The following ATP5F1B variants were observed in gnomAD, a reference collection of about 807,000 sequenced individuals.
ATP5F1B encodes ATP synthase F(1) complex subunit beta, mitochondrial.
A neutral mutation model predicts 45.9 loss-of-function variants in ATP5F1B; 17 were observed. The ratio of observed to expected loss-of-function variants is 0.37; its 90% CI spans 0.25 to 0.56. The LOEUF (loss-of-function observed/expected upper bound fraction) is 0.56. ATP5F1B is among the 20% of genes least tolerant of loss of function. The pLI, the probability that ATP5F1B is intolerant of heterozygous loss-of-function variation, is 0.80. For synonymous variants in ATP5F1B, 218 were observed against 256.5 expected, an observed-to-expected ratio of 0.85 and a Z score of 1.43; for missense variants, 387 against 673.2, an observed-to-expected ratio of 0.57 and a Z score of 4.70.
intron 3 of ATP5F1B, 90 bp downstream of exon 3, chr12:56,644,691 A>G: frequency 7.2e-7 from 1 of 1,393,308 alleles, no homozygotes; most frequent in Non-Finnish European, 9.7e-7. Flanking sequence ...CAGAAGAAAA[A>G]TTCTGCTTTA....
chr12:56,638,453 G>T, intron 9 of ATP5F1B, 30 bp from the exon 10 acceptor site: 3 of 1,513,834 alleles, frequency 2.0e-6, no homozygotes, highest in Non-Finnish European at 2.7e-6. Context: ...AAAAAAAAGA[G>T]TAAGAAGCGG....
chr12:56,643,300 T>C, intron 5 of ATP5F1B, 103 bp downstream of exon 5: 1 of 1,144,936 alleles, frequency 8.7e-7, no homozygotes, highest in Non-Finnish European at 1.2e-6. Context: ...AACATTTTCT[T>C]AAAAAGAAAA....
chr12:56,638,358 T>C lies in ATP5F1B; in HGVS notation c.1555A>G (p.Lys519Glu). 1.9e-6 allele frequency: 3 copies of C among 1,614,072 alleles called. No homozygotes were observed. Among genetic ancestry groups the C allele is most frequent in the Non-Finnish European group, 2.5e-6 (3 of 1,179,990 alleles). The part of the protein sequence containing the change: ...MVGPIEEAVA[K>E]ADKLAEEHSS ...TGCTCTTCAGCCAGCTTATCAGCTT[T>C]TGCCACAGCTTCTTCAATGGGTCCC... Residue 519 changes from lysine (K) to glutamate (E), a missense_variant, in exon 10 of 10, where the codon AAA (lysine) becomes GAA (glutamate). Around this residue, in one of 6 missense-constraint regions of ATP5F1B, gnomAD observed 36 missense variants for 37.9 expected, o/e 0.95. Coordinates refer to ENST00000262030, the MANE Select transcript of ATP5F1B (RefSeq NM_001686.4).
chr12:56,644,297 A>G (rs914733606), intron 3 of ATP5F1B, among the ~76,000 whole-genome samples: 1 of 149,172 alleles, frequency 6.7e-6, no homozygotes, highest in South Asian at 2.1e-4. Context: ...AACCTAAGCC[A>G]TAAGACCGAG....
At chr12:56,643,190 T>C (rs767117856) in intron 5 of ATP5F1B, 1 of 507,500 alleles carries the variant, frequency 2.0e-6, no homozygotes, top group Non-Finnish European at 3.4e-6. Context: ...AATGTCAGTA[T>C]CAAAGAGGAA....
chr12:56,640,231 ATTT>A (rs201281818), intron 7 of ATP5F1B, 39 bp from the exon 8 acceptor site: 375 of 1,365,838 alleles, frequency 2.7e-4, no homozygotes, highest in Middle Eastern at 7.5e-4. Flanking sequence ...ACCAAAGTAA[ATTT>A]TTTTTTTTTT....
intron 7 of ATP5F1B, among the ~76,000 whole-genome samples, chr12:56,641,926 T>C (rs1200081915): frequency 6.6e-6 from 1 of 152,138 alleles, no homozygotes; most frequent in Admixed American, 6.6e-5. Context: ...TCAGTTTCCA[T>C]ATAGCGCCGG....
intron 8 of ATP5F1B, 112 bp from the exon 9 acceptor site, chr12:56,639,419 C>T: frequency 1.0e-6 from 1 of 953,216 alleles, no homozygotes; most frequent in Non-Finnish European, 1.6e-6. Context: ...GTTATGAGGG[C>T]CCTCAGCCAA....
At chr12:56,638,567 C>T in intron 9 of ATP5F1B, 144 bp from the exon 10 acceptor site, 1 of 692,630 alleles carries the variant, frequency 1.4e-6, no homozygotes, top group East Asian at 2.5e-5. Context: ...ATTTCCCTCA[C>T]AAATCAAATT....
intron 7 of ATP5F1B, among the ~76,000 whole-genome samples, chr12:56,641,830 C>T (rs1461541363): frequency 6.6e-6 from 1 of 151,932 alleles, no homozygotes. Flanking sequence ...GGATTACAGG[C>T]GTGAGCCACC....
Position 56,645,972 on chromosome 12 carries a change from C to T in ATP5F1B, c.-9G>A. ...CCCACAAACCCCAACATGGCGTAGT[C>T]CGGGTGGAGACTGAAGGCTGCAGCA... is the stretch of plus-strand genomic sequence containing the variant. On this transcript the variant is annotated 5_prime_UTR_variant, in exon 1 of 10. Transcript: ENST00000262030. 1 of 1,595,222 alleles carries T rather than the reference C, an allele frequency of 6.3e-7. No individual in the cohort carries two copies. Among genetic ancestry groups the T allele is most frequent in the Non-Finnish European group, 8.5e-7 (1 of 1,171,902 alleles).
intron 8 of ATP5F1B, among the ~76,000 whole-genome samples, chr12:56,639,769 CAAAAAAAA>C (rs1224447849): frequency 9.9e-6 from 1 of 100,784 alleles, no homozygotes; most frequent in Non-Finnish European, 2.1e-5. Context: ...AGACTCATCT[CAAAAAAAA>C]AAAAAAAGAA....
At chr12:56,643,093 T>C (rs1245554568) in intron 5 of ATP5F1B, 2 of 518,818 alleles carry the variant, frequency 3.9e-6, no homozygotes, top group Admixed American at 7.3e-5. Flanking sequence ...AACTGAAACA[T>C]ATGTACCACG....
intron 9 of ATP5F1B, 58 bp from the exon 10 acceptor site, chr12:56,638,481 G>A: frequency 7.5e-7 from 1 of 1,325,110 alleles, no homozygotes; most frequent in Non-Finnish European, 1.1e-6. Context: ...TCAACTTTCT[G>A]CATCATGTAA....
chr12:56,640,452 A>C (rs1951503611), intron 7 of ATP5F1B, among the ~76,000 whole-genome samples: 2 of 150,930 alleles, frequency 1.3e-5, no homozygotes, highest in Non-Finnish European at 3.0e-5. Context: ...CTGGTCTTGA[A>C]CTCCTGACCT....
At chr12:56,639,480 A>C in intron 8 of ATP5F1B, 173 bp from the exon 9 acceptor site, 1 of 666,398 alleles carries the variant, frequency 1.5e-6, no homozygotes, top group Non-Finnish European at 2.5e-6. Flanking sequence ...CTGTTAGAAA[A>C]ATATTGCATT....
chr12:56,638,572 C>A, intron 9 of ATP5F1B, 149 bp from the exon 10 acceptor site: 1 of 681,104 alleles, frequency 1.5e-6, no homozygotes, highest in East Asian at 2.6e-5. Context: ...CCTCACAAAT[C>A]AAATTTACAA....
chr12:56,638,517 G>T lies in ATP5F1B; in HGVS notation c.1490-94C>A, dbSNP rs1951488720. On this transcript the variant is annotated intron_variant, in intron 9 of 9. Transcript: ENST00000262030. ...CATTCCTCACCACTTCAGGCCATCA[G>T]TTAGAATGTGATGAATTCATGTCAT... is the stretch of plus-strand genomic sequence containing the variant. The T allele has an allele frequency of 8.6e-6, 8 of 925,616 alleles. No individual in the cohort carries two copies. In the East Asian group the frequency reaches 1.9e-4, roughly 22 times the overall value. The allele number at this position is 925,616 out of a possible 1,614,324, so 57.3% of individuals were successfully genotyped here. A position where few individuals can be genotyped will look rare whatever the true frequency, so the allele number is the denominator to read the frequency against.
chr12:56,638,312 A>G lies in ATP5F1B; in HGVS notation c.*11T>C. On this transcript the variant is annotated 3_prime_UTR_variant, in exon 10 of 10. Coordinates refer to ENST00000262030, the MANE Select transcript of ATP5F1B (RefSeq NM_001686.4). ...GGCAAGGAGAGAGACAGTACAGAGG[A>G]CAAAGACCCCTCACGATGAATGCTC... The G allele has an allele frequency of 6.2e-7, 1 of 1,611,028 alleles. No homozygotes were observed. Among genetic ancestry groups the G allele is most frequent in the Non-Finnish European group, 8.5e-7 (1 of 1,177,204 alleles).
Sources: gnomAD v4.1 joint callset for allele counts (sites outside exome capture counted in the v4.1 genomes callset) on GRCh38, gnomAD v4.1.1 for gene constraint, gnomAD v4.1.1 regional missense constraint, MANE v1.5 for transcripts, NCBI Gene and HGNC (gene_info 2026-07-23, HGNC 2026-07-21) for gene names.